Variants in HHIP observed in about 807,000 individuals in gnomAD.
The protein encoded by HHIP is hedgehog-interacting protein.
In HHIP, 12 loss-of-function variants were observed where a neutral mutation model predicts 74.0. The ratio of observed to expected loss-of-function variants is 0.16; its 90% CI spans 0.10 to 0.26. The LOEUF (loss-of-function observed/expected upper bound fraction) is 0.26. Ranked by LOEUF, HHIP falls within the 10% of genes least tolerant of loss-of-function variation. The probability of loss-of-function intolerance (pLI) is 1.00; values close to 1 mark genes in which losing one functional copy is unlikely to be tolerated. For missense variants in HHIP, 788 were observed against 845.0 expected (o/e 0.93, Z 0.84); for synonymous variants, 309 against 311.6 (o/e 0.99, Z 0.09).
intron 11 of HHIP, among the ~76,000 whole-genome samples, chr4:144,720,440 T>A (rs1730601512): frequency 6.6e-6 from 1 of 152,184 alleles, no homozygotes; most frequent in Non-Finnish European, 1.5e-5. Context: ...TAATGGATTC[T>A]CTCTCCTTCT....
At position 144,708,228 on chromosome 4, in the gene HHIP, T is replaced by A. The variant is rs1201689269; in HGVS notation, c.1218T>A (p.Tyr406Ter). ...DVDTDMCNVPYSIPRSNPHFN... is the reference protein window; with the variant it reads ...DVDTDMCNVP ...ACACAGACATGTGCAACGTGCCTTATTCCATACCAAGGAGCAACCCACACT... is the reference window on the plus strand; with the variant it reads ...ACACAGACATGTGCAACGTGCCTTAATCCATACCAAGGAGCAACCCACACT... Residue 406 changes from tyrosine (Y) to a stop codon, truncating the protein, a stop_gained, in exon 7 of 13, where the codon TAT becomes TAA. Coordinates refer to ENST00000296575, the MANE Select transcript of HHIP (RefSeq NM_022475.3). LOFTEE classifies it high-confidence loss of function. 1 of 1,614,134 alleles carries A rather than the reference T, an allele frequency of 6.2e-7. No homozygotes were observed. Among genetic ancestry groups the A allele is most frequent in the Admixed American group, 1.7e-5 (1 of 60,028 alleles).
At chr4:144,735,667 T>G (rs1357102054) in intron 12 of HHIP, among the ~76,000 whole-genome samples, 3 of 125,014 alleles carry the variant, frequency 2.4e-5, no homozygotes, top group Non-Finnish European at 5.4e-5. Flanking sequence ...CTCGGCTATT[T>G]CAAATATTAA....
intron 2 of HHIP, among the ~76,000 whole-genome samples, chr4:144,657,030 A>T (rs1349198012): frequency 2.0e-5 from 3 of 151,546 alleles, no homozygotes; most frequent in Non-Finnish European, 4.4e-5. Context: ...ATACACACAC[A>T]CTCCCAAGGA....
intron 12 of HHIP, among the ~76,000 whole-genome samples, chr4:144,736,787 C>A (rs1228963465): frequency 6.6e-6 from 1 of 152,128 alleles, no homozygotes; most frequent in Non-Finnish European, 1.5e-5. Context: ...TGGACCTAAA[C>A]AGGAATTTTA....
chr4:144,718,829 C>T (rs1235709003), intron 10 of HHIP, 46 bp from the exon 11 acceptor site: 1 of 1,101,196 alleles, frequency 9.1e-7, no homozygotes, highest in Non-Finnish European at 1.4e-6. Flanking sequence ...GAAGTAAGGA[C>T]CTCTACTGCT....
intron 12 of HHIP, among the ~76,000 whole-genome samples, chr4:144,737,526 T>C (rs1731153622): frequency 6.6e-6 from 1 of 152,256 alleles, no homozygotes; most frequent in Non-Finnish European, 1.5e-5. Context: ...TTGTTTCTCA[T>C]GATCTCTGCT....
intron 4 of HHIP, among the ~76,000 whole-genome samples, chr4:144,667,680 A>G (rs1473281920): frequency 2.6e-5 from 4 of 152,226 alleles, no homozygotes; most frequent in African/African-American, 4.8e-5. Context: ...CAGCTGACCC[A>G]TAAGAACTAC....
At chr4:144,677,871 C>A (rs1044196809) in intron 4 of HHIP, among the ~76,000 whole-genome samples, 11 of 152,246 alleles carry the variant, frequency 7.2e-5, no homozygotes, top group African/African-American at 2.6e-4. Context: ...ATATTTGTTT[C>A]TTGCTCACTT....
rs565793365 is a variant in HHIP at position 144,712,572 on chromosome 4, T to C, written c.1423+501T>C. Among the ~76,000 whole-genome samples, 5 of 152,312 alleles carry C rather than the reference T, an allele frequency of 3.3e-5. No homozygotes were observed. The East Asian group carries it at 9.6e-4, about 29-fold the overall frequency. On this transcript the variant is annotated intron_variant, in intron 8 of 12. Coordinates refer to ENST00000296575, the MANE Select transcript of HHIP (RefSeq NM_022475.3). ...CAAAGTAATCAACTTGAAAAACAAG[T>C]CATGGGAATGGGACATTTAAGCAGT...
At chr4:144,737,721 T>C in intron 12 of HHIP, 43 bp from the exon 13 acceptor site, 1 of 1,505,094 alleles carries the variant, frequency 6.6e-7, no homozygotes, top group Non-Finnish European at 8.9e-7. Flanking sequence ...GTTTCTGACA[T>C]ACAGAATGAG....
At chr4:144,671,495 A>T (rs1729035645) in intron 4 of HHIP, among the ~76,000 whole-genome samples, 1 of 152,198 alleles carries the variant, frequency 6.6e-6, no homozygotes. Flanking sequence ...AACTTAGGTG[A>T]CAGCATCAAT....
intron 4 of HHIP, among the ~76,000 whole-genome samples, chr4:144,671,855 G>A (rs951460175): frequency 3.3e-5 from 5 of 152,044 alleles, no homozygotes; most frequent in African/African-American, 9.7e-5. Flanking sequence ...GTGGTGATGG[G>A]CACCTGTAAT....
At chr4:144,673,647 G>A (rs989497333) in intron 4 of HHIP, among the ~76,000 whole-genome samples, 2 of 152,140 alleles carry the variant, frequency 1.3e-5, no homozygotes, top group South Asian at 2.1e-4. Context: ...TGAAGTCAGA[G>A]AGGATTAAAA....
chr4:144,675,578 T>C (rs1264183448), intron 4 of HHIP, among the ~76,000 whole-genome samples: 3 of 152,110 alleles, frequency 2.0e-5, no homozygotes, highest in Non-Finnish European at 2.9e-5. Flanking sequence ...TAATATTTGA[T>C]AGGGCAGTAT....
intron 4 of HHIP, among the ~76,000 whole-genome samples, chr4:144,702,675 GT>G (rs1285217863): frequency 6.6e-6 from 1 of 151,476 alleles, no homozygotes; most frequent in African/African-American, 2.4e-5. Flanking sequence ...AAGTCAGTAA[GT>G]TGTTTTTTTT....
intron 11 of HHIP, among the ~76,000 whole-genome samples, chr4:144,722,294 T>A (rs1316205861): frequency 6.6e-6 from 1 of 152,192 alleles, no homozygotes; most frequent in Non-Finnish European, 1.5e-5. Context: ...TAAATCTTCC[T>A]TAGTGTAGCA....
chr4:144,658,714 A>G, intron 2 of HHIP, 76 bp from the exon 3 acceptor site: 3 of 1,243,826 alleles, frequency 2.4e-6, no homozygotes, highest in Non-Finnish European at 2.2e-6. Context: ...TCTTTTCCTC[A>G]TCTTATATCT....
chr4:144,715,543 A>C, intron 10 of HHIP, 113 bp downstream of exon 10: 1 of 1,006,384 alleles, frequency 9.9e-7, no homozygotes, highest in Non-Finnish European at 1.4e-6. Context: ...TTGGAAATGT[A>C]ATCCACAGCA....
At chr4:144,715,774 A>T (rs537460764) in intron 10 of HHIP, among the ~76,000 whole-genome samples, 1 of 152,364 alleles carries the variant, frequency 6.6e-6, no homozygotes, top group Non-Finnish European at 1.5e-5. Context: ...TATATTCTCT[A>T]TCTAAAAACC....
Sources: gnomAD v4.1 joint callset for allele counts (sites outside exome capture counted in the v4.1 genomes callset) on GRCh38, gnomAD v4.1.1 for gene constraint, MANE v1.5 for transcripts, NCBI Gene and HGNC (gene_info 2026-07-23, HGNC 2026-07-21) for gene names.